Variants in CTNNA2 observed in about 807,000 individuals in gnomAD.
The protein encoded by CTNNA2 is catenin alpha-2.
Under a neutral mutation model 101.0 loss-of-function variants are expected in CTNNA2, and 42 were observed. The observed-to-expected ratio is 0.42, with a 90% CI of 0.32 to 0.54. CTNNA2 has a LOEUF of 0.54. Among genes scored for constraint, CTNNA2 ranks in the 20% least tolerant of loss-of-function variants. The probability of loss-of-function intolerance (pLI) is 0.14; values close to 1 mark genes in which losing one functional copy is unlikely to be tolerated. For missense variants in CTNNA2, 871 were observed against 1,223.1 expected (o/e 0.71, Z 4.29); for synonymous variants, 450 against 456.4 (o/e 0.99, Z 0.18).
chr2:80,001,652 A>G (rs929309764), intron 7 of CTNNA2, among the ~76,000 whole-genome samples: 26 of 152,122 alleles, frequency 1.7e-4, no homozygotes, highest in African/African-American at 4.8e-4. Flanking sequence ...TTGCAAAGGG[A>G]GAGAGAAGAA....
intron 17 of CTNNA2, among the ~76,000 whole-genome samples, chr2:80,610,761 G>A (rs369852898): frequency 1.3e-5 from 2 of 151,688 alleles, no homozygotes; most frequent in African/African-American, 2.4e-5. Context: ...TTATGTCAGC[G>A]TGTTTTTGTT....
At chr2:79,875,190 A>G (rs2104068684) in intron 6 of CTNNA2, among the ~76,000 whole-genome samples, 1 of 152,274 alleles carries the variant, frequency 6.6e-6, no homozygotes, top group South Asian at 2.1e-4. Context: ...GTGCTGAGCC[A>G]TATGTGAAGC....
chr2:79,705,963 C>G (rs1278567517), intron 2 of CTNNA2, among the ~76,000 whole-genome samples: 1 of 152,058 alleles, frequency 6.6e-6, no homozygotes, highest in Non-Finnish European at 1.5e-5. Context: ...GAACAGTAAA[C>G]TGAAGTTAGT....
intron 1 of CTNNA2, among the ~76,000 whole-genome samples, chr2:79,521,144 ATATATATATATATATATAT>A (rs1558695153): frequency 1.5e-4 from 7 of 47,128 alleles, no homozygotes; most frequent in African/African-American, 6.0e-4. Context: ...ATATATATAT[ATATATATATATATATATAT>A]ATATAAATTT....
intron 3 of CTNNA2, among the ~76,000 whole-genome samples, chr2:79,320,622 T>C (rs1370829083): frequency 6.6e-6 from 1 of 152,200 alleles, no homozygotes. Context: ...GAGACAGCCT[T>C]GTAGATGTTG....
rs370630295 is a variant in CTNNA2, at chr2:79,288,911, T to C, written c.-405-23798T>C. Among the ~76,000 whole-genome samples the C allele has an allele frequency of 1.1e-4, 16 of 152,332 alleles. 1 individual carries two copies. The East Asian group carries it at 2.1e-3, about 20-fold the overall frequency. On this transcript the variant is annotated intron_variant, in intron 2 of 21. Coordinates refer to the CTNNA2 transcript ENST00000466387. ...AATGAGAAAATTGAACATCAACTGA[T>C]ACATTTTCTCAAAATTGAAACAGAA...
At chr2:79,301,427 C>G (rs775547701) in intron 2 of CTNNA2, among the ~76,000 whole-genome samples, 1 of 145,124 alleles carries the variant, frequency 6.9e-6, no homozygotes, top group Non-Finnish European at 1.5e-5. Context: ...AGGGCCCTGA[C>G]TTTCTCTGTA....
At chr2:80,242,966 G>T (rs766643413) in intron 7 of CTNNA2, among the ~76,000 whole-genome samples, 2 of 152,170 alleles carry the variant, frequency 1.3e-5, no homozygotes, top group Non-Finnish European at 2.9e-5. Flanking sequence ...AGTTTCTGGA[G>T]GTGCAAAACA....
intron 4 of CTNNA2, among the ~76,000 whole-genome samples, chr2:79,445,034 A>C (rs1036566514): frequency 2.0e-5 from 3 of 152,184 alleles, no homozygotes; most frequent in Non-Finnish European, 2.9e-5. Flanking sequence ...AATCTAAGAC[A>C]TACACTTTGC....
At chr2:80,313,645 T>C (rs770172244) in intron 7 of CTNNA2, 5 of 1,607,322 alleles carry the variant, frequency 3.1e-6, no homozygotes, top group East Asian at 2.2e-5. Flanking sequence ...ATACCATGTC[T>C]GGAGCACAGG....
At chr2:79,908,813 G>A (rs775356113) in intron 6 of CTNNA2, among the ~76,000 whole-genome samples, 2 of 152,162 alleles carry the variant, frequency 1.3e-5, no homozygotes, top group Non-Finnish European at 2.9e-5. Flanking sequence ...TATAAAGACT[G>A]TTATAGCTCC....
intron 13 of CTNNA2, among the ~76,000 whole-genome samples, chr2:80,578,400 A>G (rs538393019): frequency 1.3e-4 from 20 of 152,324 alleles, no homozygotes; most frequent in Admixed American, 1.3e-3. Flanking sequence ...ATCTAATGAT[A>G]GAAGCGTAAT....
chr2:79,992,936 AG>A (rs1372918161), intron 7 of CTNNA2, among the ~76,000 whole-genome samples: 1 of 152,202 alleles, frequency 6.6e-6, no homozygotes, highest in Non-Finnish European at 1.5e-5. Flanking sequence ...GGTGACATGT[AG>A]AAGTGTCCTG....
intron 3 of CTNNA2, among the ~76,000 whole-genome samples, chr2:79,842,510 A>G (rs886522309): frequency 6.6e-6 from 1 of 152,124 alleles, no homozygotes; most frequent in African/African-American, 2.4e-5. Context: ...TATCATCATC[A>G]TCATCATTGT....
In CTNNA2 at chr2:79,779,046, G is replaced by A. The variant is rs1022499084; in HGVS notation, c.298+34464G>A. On this transcript the variant is annotated intron_variant, in intron 3 of 18. Transcript: ENST00000402739. ...AAATATTTATTTATTCCAGCCAAGG[G>A]AAGGCTCATTTGCCAAATTAGGCAT... Among the ~76,000 whole-genome samples, 17 of 152,176 alleles carry A rather than the reference G, an allele frequency of 1.1e-4. 1 individual carries two copies. The highest frequency in any genetic ancestry group is 9.2e-4 in the Admixed American group (14 of 15,290).
intron 7 of CTNNA2, among the ~76,000 whole-genome samples, chr2:79,954,389 T>C (rs181642215): frequency 2.1e-3 from 317 of 152,314 alleles, no homozygotes; most frequent in African/African-American, 7.3e-3. Flanking sequence ...TAAATTCAGC[T>C]CTTCTACTCT....
intron 9 of CTNNA2, among the ~76,000 whole-genome samples, chr2:80,485,956 T>A (rs1191204225): frequency 6.7e-6 from 1 of 149,308 alleles, no homozygotes; most frequent in Non-Finnish European, 1.5e-5. Flanking sequence ...TTTCACCATA[T>A]TTTTTTTTTG....
chr2:79,824,231 G>T (rs1187304378), intron 3 of CTNNA2, among the ~76,000 whole-genome samples: 1 of 152,178 alleles, frequency 6.6e-6, no homozygotes, highest in Non-Finnish European at 1.5e-5. Context: ...GCTGCTGCCA[G>T]ATACAGTTTC....
intron 3 of CTNNA2, among the ~76,000 whole-genome samples, chr2:79,800,147 A>T (rs1008086518): frequency 2.6e-5 from 4 of 152,230 alleles, no homozygotes; most frequent in Admixed American, 2.6e-4. Context: ...ACTCTTTAAG[A>T]TGCAGAGTAT....
Sources: allele counts gnomAD v4.1 joint callset (sites outside exome capture counted in the v4.1 genomes callset), GRCh38; gene constraint gnomAD v4.1.1; transcripts MANE v1.5; gene names NCBI Gene and HGNC (gene_info 2026-07-23, HGNC 2026-07-21).